OVOL2: variants seen among roughly 807,000 people sequenced by gnomAD.
OVOL2 encodes the protein ovo like zinc finger 2.
In OVOL2, 13 loss-of-function variants were observed where a neutral mutation model predicts 18.1. That is an observed-to-expected ratio of 0.72 (90% CI 0.47 to 1.14). The LOEUF (loss-of-function observed/expected upper bound fraction) is 1.14, where lower values mean the gene tolerates loss of function less well. Among genes scored for constraint, OVOL2 ranks in the 50% most tolerant of loss-of-function variants. The probability of loss-of-function intolerance (pLI) is 0.00; values close to 1 mark genes in which losing one functional copy is unlikely to be tolerated. For synonymous variants in OVOL2, 166 were observed against 162.7 expected (o/e 1.02, Z -0.16); for missense variants, 335 against 383.0 (o/e 0.87, Z 1.05).
intron 3 of OVOL2, among the ~76,000 whole-genome samples, chr20:18,025,788 A>G (rs1306862240): frequency 6.6e-6 from 1 of 152,194 alleles, no homozygotes; most frequent in African/African-American, 2.4e-5. Flanking sequence ...TGTGGCACAC[A>G]CCTTGGCGTC....
chr20:18,055,951 G>C (rs972210728), intron 2 of OVOL2, among the ~76,000 whole-genome samples: 1 of 152,214 alleles, frequency 6.6e-6, no homozygotes, highest in Non-Finnish European at 1.5e-5. Context: ...GCAGGTGGGC[G>C]TCCAGAATGT....
At chr20:18,038,542 T>C (rs570333340) in intron 3 of OVOL2, among the ~76,000 whole-genome samples, 25 of 152,192 alleles carry the variant, frequency 1.6e-4, no homozygotes, top group Non-Finnish European at 2.8e-4. Context: ...AATATTTCCC[T>C]TAGTCTCCAG....
At chr20:18,055,836 C>G (rs2036817541) in intron 2 of OVOL2, among the ~76,000 whole-genome samples, 1 of 152,232 alleles carries the variant, frequency 6.6e-6, no homozygotes, top group Admixed American at 6.5e-5. Context: ...TCATAAACCA[C>G]CACCTCCTAG....
Position 18,056,979 on chromosome 20 carries a change from A to G in OVOL2, c.101-102T>C. 1 of 1,309,596 alleles carries G rather than the reference A, an allele frequency of 7.6e-7. No individual in the cohort carries two copies. Among genetic ancestry groups the G allele is most frequent in the Non-Finnish European group, 9.8e-7 (1 of 1,016,402 alleles). 81.1% of individuals were successfully genotyped at this position (1,309,596 alleles called of 1,614,324 possible). ...CGGTGCTGCCGCCGCCCCGCCCCGG[A>G]CCTGGGCACCTCGCCAAGTGGGCAA... On this transcript the variant is annotated intron_variant, in intron 1 of 3. Coordinates refer to ENST00000278780, the MANE Select transcript of OVOL2 (RefSeq NM_021220.4). The surrounding 1 kb of genome is among the most constrained non-coding windows in gnomAD (Gnocchi z 4.2).
At chr20:18,041,813 G>A (rs2036672950) in intron 2 of OVOL2, 90 bp from the exon 3 acceptor site, 1 of 1,253,574 alleles carries the variant, frequency 8.0e-7, no homozygotes, top group Admixed American at 2.5e-5. Flanking sequence ...GTGTCTTGAG[G>A]CTGCCCTGTC....
chr20:18,052,980 G>A (rs904340842), intron 2 of OVOL2, among the ~76,000 whole-genome samples: 1 of 152,188 alleles, frequency 6.6e-6, no homozygotes, highest in African/African-American at 2.4e-5. Flanking sequence ...ACACTCTCTG[G>A]AATGTACATC....
intron 3 of OVOL2, among the ~76,000 whole-genome samples, chr20:18,038,173 T>C (rs554797473): frequency 1.3e-5 from 2 of 152,208 alleles, no homozygotes. Flanking sequence ...GAGTTATTCC[T>C]CCCTATGTTG....
At chr20:18,051,025 A>G (rs535464758) in intron 2 of OVOL2, among the ~76,000 whole-genome samples, 80 of 152,292 alleles carry the variant, frequency 5.3e-4, no homozygotes, top group Non-Finnish European at 9.8e-4. Context: ...CCAAATATCA[A>G]ATGAATTGGT....
At chr20:18,050,189 T>C (rs2036760268) in intron 2 of OVOL2, among the ~76,000 whole-genome samples, 1 of 152,190 alleles carries the variant, frequency 6.6e-6, no homozygotes, top group African/African-American at 2.4e-5. Flanking sequence ...AAGTGAAAAC[T>C]ACGCTTCCCT....
At chr20:18,028,720 C>G (rs1428441834) in intron 3 of OVOL2, among the ~76,000 whole-genome samples, 1 of 151,972 alleles carries the variant, frequency 6.6e-6, no homozygotes, top group Non-Finnish European at 1.5e-5. Context: ...TTGAACCCAG[C>G]AGGCAGAGGT....
At position 18,056,524 on chromosome 20, in the gene OVOL2, G is replaced by A. The variant is rs945280224; in HGVS notation, c.321+133C>T. On this transcript the variant is annotated intron_variant, in intron 2 of 3. Coordinates refer to ENST00000278780, the MANE Select transcript of OVOL2 (RefSeq NM_021220.4). This position sits in a 1 kb window ranked among gnomAD's most constrained non-coding sequence, Gnocchi z 4.2. Reference sequence around the variant, plus strand: ...CCGCCGCCCAGGGGCAGGTGCAGGAGCGGCGCGGCGGGCGCGCTCGGGGCG... The same window carrying A: ...CCGCCGCCCAGGGGCAGGTGCAGGAACGGCGCGGCGGGCGCGCTCGGGGCG... The A allele has an allele frequency of 2.0e-6, 2 of 1,021,736 alleles. No homozygotes were observed. Among genetic ancestry groups the A allele is most frequent in the Non-Finnish European group, 2.3e-6 (2 of 854,892 alleles). The allele number at this position is 1,021,736 out of a possible 1,614,324, so 63.3% of individuals were successfully genotyped here.
chr20:18,031,446 G>T (rs1046691667), intron 3 of OVOL2, among the ~76,000 whole-genome samples: 4 of 152,090 alleles, frequency 2.6e-5, no homozygotes, highest in Non-Finnish European at 4.4e-5. Flanking sequence ...GCATGGTGGC[G>T]AGTGCCTGTA....
rs201968695 is a variant in OVOL2, at chr20:18,041,738, A to T, written c.322-15T>A. The T allele has an allele frequency of 6.2e-7, 1 of 1,600,226 alleles. No homozygotes were observed. Among genetic ancestry groups the T allele is most frequent in the Non-Finnish European group, 8.5e-7 (1 of 1,169,672 alleles). On this transcript the variant is annotated splice_polypyrimidine_tract_variant and intron_variant, in intron 2 of 3. Coordinates refer to ENST00000278780, the MANE Select transcript of OVOL2 (RefSeq NM_021220.4). ...CCTGTGGTGAACTGGGGGCAGAGAG[A>T]GGCCATGAGGGTCCCCGGGCAGGCA...
chr20:18,053,932 C>T (rs1028457882), intron 2 of OVOL2, among the ~76,000 whole-genome samples: 3 of 152,116 alleles, frequency 2.0e-5, no homozygotes, highest in Non-Finnish European at 2.9e-5. Context: ...GCTCCAGCTG[C>T]GGGACTCAGC....
intron 2 of OVOL2, among the ~76,000 whole-genome samples, chr20:18,045,104 G>C (rs937489729): frequency 2.0e-5 from 3 of 152,184 alleles, no homozygotes; most frequent in African/African-American, 7.2e-5. Context: ...CCCCAGAACT[G>C]CAGCTGCCCA....
At chr20:18,054,226 T>C (rs1314576940) in intron 2 of OVOL2, among the ~76,000 whole-genome samples, 3 of 152,132 alleles carry the variant, frequency 2.0e-5, no homozygotes, top group Admixed American at 6.6e-5. Flanking sequence ...CTCAGAGGGG[T>C]GAGCCACTTG....
rs956794989 is a variant in OVOL2, at chr20:18,057,297, C to T, written c.100+238G>A. Among the ~76,000 whole-genome samples the T allele has an allele frequency of 1.1e-4, 16 of 152,202 alleles. No individual in the cohort carries two copies. The highest frequency in any genetic ancestry group is 1.6e-4 in the Non-Finnish European group (11 of 68,032). On this transcript the variant is annotated intron_variant, in intron 1 of 3. Coordinates refer to ENST00000278780, the MANE Select transcript of OVOL2 (RefSeq NM_021220.4). The surrounding 1 kb of genome is among the most constrained non-coding windows in gnomAD (Gnocchi z 6.3). The stretch of plus-strand genomic sequence containing the variant: ...TGGGCCACCTTGGCCCGCGCTGCAG[C>T]CAACGGTCCCGCCGCCGGGCAATTA...
At chr20:18,049,062 G>A (rs924224846) in intron 2 of OVOL2, among the ~76,000 whole-genome samples, 5 of 152,192 alleles carry the variant, frequency 3.3e-5, no homozygotes, top group Admixed American at 1.3e-4. Flanking sequence ...TTCAGGGCAC[G>A]AAGACGAAGA....
At chr20:18,037,498 C>T (rs893518642) in intron 3 of OVOL2, among the ~76,000 whole-genome samples, 2 of 152,268 alleles carry the variant, frequency 1.3e-5, no homozygotes, top group African/African-American at 4.8e-5. Flanking sequence ...GTCCCCTAGT[C>T]TCTGCCGAGC....
Sources: allele counts gnomAD v4.1 joint callset (sites outside exome capture counted in the v4.1 genomes callset), GRCh38; gene constraint gnomAD v4.1.1; non-coding constraint Gnocchi (gnomAD v3.1); transcripts MANE v1.5; gene names NCBI Gene and HGNC (gene_info 2026-07-23, HGNC 2026-07-21).